The following PIK3CB variants were observed in gnomAD, a reference collection of about 807,000 sequenced individuals.
The protein encoded by PIK3CB is phosphatidylinositol-4,5-bisphosphate 3-kinase catalytic subunit beta.
A neutral mutation model predicts 136.8 loss-of-function variants in PIK3CB; 39 were observed. The ratio of observed to expected loss-of-function variants is 0.29; its 90% confidence interval spans 0.22 to 0.37. The LOEUF is 0.37. Ranked by LOEUF, PIK3CB falls within the 10% of genes least tolerant of loss-of-function variation. The pLI, the probability that PIK3CB is intolerant of heterozygous loss-of-function variation, is 1.00. For synonymous variants in PIK3CB, 428 were observed against 436.6 expected, an observed-to-expected ratio of 0.98 and a Z score of 0.25; for missense variants, 868 against 1,275.4, an observed-to-expected ratio of 0.68 and a Z score of 4.87.
chr3:138,710,023 C>CA (rs34985570), intron 10 of PIK3CB, among the ~76,000 whole-genome samples: 1,572 of 91,900 alleles, frequency 0.017, 44 homozygotes, highest in African/African-American at 0.053. Context: ...ACAAAAAATA[C>CA]AAAAAAAAAA....
chr3:138,824,476 A>G (rs1005290639), intron 1 of PIK3CB, among the ~76,000 whole-genome samples: 1 of 152,106 alleles, frequency 6.6e-6, no homozygotes, highest in Non-Finnish European at 1.5e-5. Flanking sequence ...GATCTGCTAA[A>G]TATCTGAGGA....
Position 138,691,110 on chromosome 3 carries a change from C to A in PIK3CB, c.1926G>T (p.Leu642=). The A allele has an allele frequency of 6.2e-7, 1 of 1,612,844 alleles. No individual in the cohort carries two copies. Among genetic ancestry groups the A allele is most frequent in the South Asian group, 1.1e-5 (1 of 90,970 alleles). The change falls in exon 15 of 24, where the codon CTG becomes CTT. Residue 642 remains leucine, a synonymous_variant. Transcript: ENST00000674063. ...AAGGCTCATATTTTAACACTTGCAC[C>A]AGTTGTAAAAGATATTGAGAAAGTT... is the stretch of plus-strand genomic sequence containing the variant. ...DEELSQYLLQ[L]VQVLKYEPFL...
At chr3:138,770,872 C>T (rs1035199786) in intron 2 of PIK3CB, among the ~76,000 whole-genome samples, 5 of 151,462 alleles carry the variant, frequency 3.3e-5, no homozygotes, top group East Asian at 2.0e-4. Context: ...CCATCACGCC[C>T]GGCTAATTTT....
intron 1 of PIK3CB, among the ~76,000 whole-genome samples, chr3:138,802,232 A>T (rs2046184458): frequency 6.7e-6 from 1 of 149,684 alleles, no homozygotes; most frequent in Non-Finnish European, 1.5e-5. Flanking sequence ...AAAAAAAAAA[A>T]ATCCAGGCAT....
intron 1 of PIK3CB, among the ~76,000 whole-genome samples, chr3:138,830,952 A>AATC (rs1934005875): frequency 7.0e-6 from 1 of 143,212 alleles, no homozygotes; most frequent in Non-Finnish European, 1.5e-5. Context: ...TAATAATAAT[A>AATC]AAGCAGGAAC....
intron 5 of PIK3CB, among the ~76,000 whole-genome samples, chr3:138,741,784 C>T (rs900668592): frequency 5.3e-5 from 8 of 151,184 alleles, no homozygotes; most frequent in South Asian, 2.1e-4. Flanking sequence ...GCCAAGATTG[C>T]GCCATCGCAC....
intron 21 of PIK3CB, among the ~76,000 whole-genome samples, chr3:138,659,980 A>G (rs1173103330): frequency 7.2e-6 from 1 of 139,144 alleles, no homozygotes; most frequent in African/African-American, 2.7e-5. Context: ...GGTTCACGCC[A>G]TTCTCCTTCT....
intron 6 of PIK3CB, among the ~76,000 whole-genome samples, chr3:138,737,095 A>G (rs1181968173): frequency 6.6e-6 from 1 of 152,078 alleles, no homozygotes; most frequent in African/African-American, 2.4e-5. Context: ...AAACAATCAA[A>G]ACAGCCGAAT....
At chr3:138,808,116 T>C (rs1240817408) in intron 1 of PIK3CB, among the ~76,000 whole-genome samples, 2 of 152,162 alleles carry the variant, frequency 1.3e-5, no homozygotes, top group Admixed American at 6.6e-5. Context: ...CTATGACATA[T>C]GGTATTTGAA....
chr3:138,687,798 A>C (rs1418094865), intron 16 of PIK3CB, among the ~76,000 whole-genome samples: 1 of 152,116 alleles, frequency 6.6e-6, no homozygotes, highest in East Asian at 1.9e-4. Context: ...CTGTGTATAG[A>C]ATGTTGGGGG....
rs1389629265 is a variant in PIK3CB, at chr3:138,796,496, G to T, written c.-50C>A. On this transcript the variant is annotated 5_prime_UTR_variant, in exon 2 of 24. Coordinates refer to ENST00000674063, the MANE Select transcript of PIK3CB (RefSeq NM_006219.3). Reference sequence around the variant, plus strand: ...GGTCGCCCCCATTTCAGTCTTTTAGGAAAACAGATGGCATTACTTATTTTT... The same window carrying T: ...GGTCGCCCCCATTTCAGTCTTTTAGTAAAACAGATGGCATTACTTATTTTT... 1 of 151,684 alleles carries T rather than the reference G, an allele frequency of 6.6e-6. No homozygotes were observed. The highest frequency in any genetic ancestry group is 2.4e-5 in the African/African-American group (1 of 41,272). The allele number at this position is 151,684 out of a possible 1,614,324, so 9.4% of individuals were successfully genotyped here.
At chr3:138,664,100 A>T in intron 20 of PIK3CB, 71 bp from the exon 21 acceptor site, 1 of 1,532,842 alleles carries the variant, frequency 6.5e-7, no homozygotes, top group Non-Finnish European at 8.8e-7. Context: ...GACCCAAACC[A>T]TACCTCTGTT....
intron 1 of PIK3CB, among the ~76,000 whole-genome samples, chr3:138,821,733 C>T (rs1046134262): frequency 6.6e-6 from 1 of 151,706 alleles, no homozygotes; most frequent in Non-Finnish European, 1.5e-5. Context: ...TGCAGTGAGC[C>T]GAGATGGCGT....
chr3:138,667,673 T>G (rs998223179), intron 19 of PIK3CB, among the ~76,000 whole-genome samples: 22 of 150,798 alleles, frequency 1.5e-4, no homozygotes, highest in African/African-American at 5.1e-4. Flanking sequence ...GTCATTATCC[T>G]GCCTCAGCCT....
intron 9 of PIK3CB, among the ~76,000 whole-genome samples, chr3:138,712,985 A>G (rs1645076018): frequency 6.6e-6 from 1 of 152,146 alleles, no homozygotes; most frequent in Non-Finnish European, 1.5e-5. Context: ...AGGCATATAA[A>G]TATATCTCTA....
At chr3:138,665,856 C>T (rs1190657832) in intron 19 of PIK3CB, among the ~76,000 whole-genome samples, 1 of 152,172 alleles carries the variant, frequency 6.6e-6, no homozygotes, top group Non-Finnish European at 1.5e-5. Context: ...AGGTGTGAGC[C>T]ACCACATCAG....
chr3:138,677,247 C>A (rs1004922441), intron 19 of PIK3CB, among the ~76,000 whole-genome samples: 2 of 151,862 alleles, frequency 1.3e-5, no homozygotes, highest in African/African-American at 4.8e-5. Flanking sequence ...TTAGTAGAGA[C>A]GGGGTATCAC....
chr3:138,700,698 G>C (rs1469196549), intron 12 of PIK3CB, among the ~76,000 whole-genome samples: 1 of 112,688 alleles, frequency 8.9e-6, no homozygotes, highest in Non-Finnish European at 1.9e-5. Context: ...TAAAAAGATA[G>C]ATAGATAGAT....
intron 2 of PIK3CB, among the ~76,000 whole-genome samples, chr3:138,773,184 T>A (rs1350817236): frequency 6.6e-6 from 1 of 151,944 alleles, no homozygotes; most frequent in Non-Finnish European, 1.5e-5. Flanking sequence ...GCGAATCACT[T>A]GAGGTCAGGA....
Sources: allele counts gnomAD v4.1 joint callset (sites outside exome capture counted in the v4.1 genomes callset), GRCh38; gene constraint gnomAD v4.1.1; transcripts MANE v1.5; gene names NCBI Gene and HGNC (gene_info 2026-07-23, HGNC 2026-07-21).